Variants in SUGCT observed in about 807,000 individuals in gnomAD.
SUGCT encodes succinyl-CoA:glutarate-CoA transferase.
A neutral mutation model predicts 55.0 loss-of-function variants in SUGCT; 41 were observed. The ratio of observed to expected loss-of-function variants is 0.74; its 90% CI spans 0.58 to 0.97. The LOEUF is 0.97. Among genes scored for constraint, SUGCT ranks in the 50% least tolerant of loss-of-function variants. The pLI is 0.00. For missense variants in SUGCT, 568 were observed against 547.8 expected (o/e 1.04, Z -0.37); for synonymous variants, 187 against 200.4 (o/e 0.93, Z 0.56).
chr7:40,902,596 G>GA, the SUGCT span, among the ~76,000 whole-genome samples: 19 of 135,246 alleles, frequency 1.4e-4, no homozygotes, highest in African/African-American at 3.8e-4. Flanking sequence ...AAAAAAAAGA[G>GA]AAAAAAAAAC....
chr7:40,707,532 T>C (rs1785487081), intron 12 of SUGCT, among the ~76,000 whole-genome samples: 1 of 152,178 alleles, frequency 6.6e-6, no homozygotes. Context: ...TAAATAGACT[T>C]CTGGCTCTTT....
intron 12 of SUGCT, among the ~76,000 whole-genome samples, chr7:40,568,960 G>C (rs117508051): frequency 0.02 from 3,098 of 152,136 alleles, 42 homozygotes; most frequent in Non-Finnish European, 0.032. Flanking sequence ...TTTGAGCTTT[G>C]GTTTTCTCAT....
intron 10 of SUGCT, among the ~76,000 whole-genome samples, chr7:40,458,605 A>G (rs1263548556): frequency 3.3e-5 from 5 of 152,324 alleles, no homozygotes; most frequent in Admixed American, 3.3e-4. Flanking sequence ...GCATAGGACA[A>G]CCTGGGAAGA....
intron 9 of SUGCT, among the ~76,000 whole-genome samples, chr7:40,364,126 A>G (rs1284082955): frequency 6.6e-6 from 1 of 150,926 alleles, no homozygotes; most frequent in Non-Finnish European, 1.5e-5. Context: ...ATCCGAGACT[A>G]GGATTGAAAC....
At chr7:40,419,784 C>T (rs1004094380) in intron 9 of SUGCT, among the ~76,000 whole-genome samples, 10 of 152,158 alleles carry the variant, frequency 6.6e-5, no homozygotes, top group African/African-American at 2.4e-4. Context: ...GCCTAACCTG[C>T]TTCTTTGTTT....
At chr7:40,802,309 G>GAC (rs765485268) in intron 13 of SUGCT, among the ~76,000 whole-genome samples, 4 of 151,094 alleles carry the variant, frequency 2.6e-5, no homozygotes, top group East Asian at 1.9e-4. Context: ...TCAGCACTCA[G>GAC]ACACACACAC....
At chr7:40,141,502 T>C (rs1010852118) in intron 1 of SUGCT, among the ~76,000 whole-genome samples, 1 of 152,016 alleles carries the variant, frequency 6.6e-6, no homozygotes, top group African/African-American at 2.4e-5. Flanking sequence ...GGCGTGGTGG[T>C]GGGCACCTGT....
intron 1 of SUGCT, among the ~76,000 whole-genome samples, chr7:40,177,254 C>G (rs1201136558): frequency 6.6e-6 from 1 of 152,130 alleles, no homozygotes; most frequent in East Asian, 1.9e-4. Flanking sequence ...GCAGCTGGAC[C>G]TCAAAGACTT....
chr7:40,366,590 A>C (rs1258550629), intron 9 of SUGCT, among the ~76,000 whole-genome samples: 3 of 152,242 alleles, frequency 2.0e-5, no homozygotes, highest in Admixed American at 1.3e-4. Context: ...CAATCCCATC[A>C]AAAAGTGGGC....
intron 12 of SUGCT, among the ~76,000 whole-genome samples, chr7:40,705,194 T>C (rs1433554469): frequency 6.6e-6 from 1 of 152,210 alleles, no homozygotes; most frequent in Non-Finnish European, 1.5e-5. Context: ...TTGAGATAAT[T>C]ATAGGTTTGC....
intron 7 of SUGCT, among the ~76,000 whole-genome samples, chr7:40,259,139 T>C (rs1791045932): frequency 6.6e-6 from 1 of 152,168 alleles, no homozygotes; most frequent in Non-Finnish European, 1.5e-5. Context: ...GAGAGTAGAA[T>C]GGTGGTTACC....
intron 8 of SUGCT, among the ~76,000 whole-genome samples, chr7:40,291,460 A>G (rs1331917393): frequency 7.3e-6 from 1 of 137,562 alleles, no homozygotes; most frequent in African/African-American, 2.7e-5. Flanking sequence ...AACAATGAGA[A>G]CACATGGACA....
At chr7:40,397,772 C>T (rs1331353488) in intron 9 of SUGCT, among the ~76,000 whole-genome samples, 1 of 152,144 alleles carries the variant, frequency 6.6e-6, no homozygotes, top group Non-Finnish European at 1.5e-5. Context: ...TTCTTGTGAT[C>T]AGGAAGATGA....
intron 13 of SUGCT, among the ~76,000 whole-genome samples, chr7:40,786,475 AT>A (rs1248514991): frequency 6.6e-6 from 1 of 152,200 alleles, no homozygotes; most frequent in Admixed American, 6.5e-5. Context: ...TCTGATTTCA[AT>A]TATGTTAATG....
At chr7:40,630,082 C>T (rs1052055868) in intron 12 of SUGCT, among the ~76,000 whole-genome samples, 3 of 152,214 alleles carry the variant, frequency 2.0e-5, no homozygotes, top group Admixed American at 1.3e-4. Flanking sequence ...TGGAACACTC[C>T]TCACTTCCTC....
chr7:40,750,574 T>C (rs1446472987), intron 13 of SUGCT, among the ~76,000 whole-genome samples: 1 of 152,198 alleles, frequency 6.6e-6, no homozygotes, highest in East Asian at 1.9e-4. Flanking sequence ...TTATCCTAAA[T>C]AGAATCTAAG....
chr7:40,793,125 A>G (rs1164650797), intron 13 of SUGCT: 3 of 152,104 alleles, frequency 2.0e-5, no homozygotes, highest in Non-Finnish European at 2.9e-5. Context: ...TGCCTGCATT[A>G]TACTTATAAA....
At position 40,296,252 on chromosome 7, in the gene SUGCT, A is replaced by G. The variant is rs1794137250; in HGVS notation, c.721-20508A>G. 2.6e-5 allele frequency among the ~76,000 whole-genome samples: 4 copies of G among 152,326 alleles called. No homozygotes were observed. In the South Asian group the frequency reaches 8.3e-4, roughly 32 times the overall value. On this transcript the variant is annotated intron_variant, in intron 8 of 13. Coordinates refer to ENST00000335693, the MANE Select transcript of SUGCT (RefSeq NM_001193313.2). ...ATGCTAGTTTCCTTTTTTTATGTGA[A>G]AATTCTGAATTGCTTATTGAAAAGA... is the stretch of plus-strand genomic sequence containing the variant.
intron 7 of SUGCT, among the ~76,000 whole-genome samples, chr7:40,270,135 C>CAAA (rs1186152626): frequency 1.2e-4 from 8 of 66,632 alleles, no homozygotes; most frequent in East Asian, 4.8e-4. Context: ...GACCCTTTCT[C>CAAA]AAAAAAAAAA....
Sources: allele counts gnomAD v4.1 joint callset (sites outside exome capture counted in the v4.1 genomes callset), GRCh38; gene constraint gnomAD v4.1.1; transcripts MANE v1.5; gene names NCBI Gene and HGNC (gene_info 2026-07-23, HGNC 2026-07-21).